Variants in ITGAV observed in about 807,000 individuals in gnomAD.
ITGAV encodes the protein integrin alpha-V.
Under a neutral mutation model 143.8 loss-of-function variants are expected in ITGAV, and 76 were observed. The ratio of observed to expected loss-of-function variants is 0.53; its 90% CI spans 0.44 to 0.64. ITGAV has a LOEUF of 0.64. Among genes scored for constraint, ITGAV ranks in the 30% least tolerant of loss-of-function variants. ITGAV has a pLI of 0.00. For synonymous variants in ITGAV, 453 were observed against 446.7 expected (o/e 1.01, Z -0.18); for missense variants, 1,193 against 1,274.7 (o/e 0.94, Z 0.98).
chr2:186,667,672 G>A lies in ITGAV; in HGVS notation c.2329G>A (p.Val777Ile). ...AGGTTTTCTTTGGTCATTGTTTAGAGTCTCGAGTCCTGATCATGTCTTTCT... is the reference window on the plus strand; with the variant it reads ...AGGTTTTCTTTGGTCATTGTTTAGAATCTCGAGTCCTGATCATGTCTTTCT... Reference protein sequence around the residue: ...AVLAAVEIRGVSSPDHVFLPI... With the variant: ...AVLAAVEIRGISSPDHVFLPI... Residue 777 changes from valine to isoleucine, a missense_variant and splice_region_variant, in exon 24 of 30, where the codon GTC becomes ATC. Physicochemically the swap from Val to Ile is conservative, Grantham distance 29. Transcript: ENST00000261023. 5 of 1,572,608 alleles carry A rather than the reference G, an allele frequency of 3.2e-6. No individual in the cohort carries two copies. Among genetic ancestry groups the A allele is most frequent in the Non-Finnish European group, 4.4e-6 (5 of 1,145,592 alleles).
chr2:186,631,978 G>C (rs905833048), intron 5 of ITGAV, among the ~76,000 whole-genome samples: 3 of 152,172 alleles, frequency 2.0e-5, no homozygotes, highest in Non-Finnish European at 2.9e-5. Context: ...ATTGAGCCAT[G>C]TTCATGCCAC....
chr2:186,658,732 G>A (rs1481535525), intron 17 of ITGAV, among the ~76,000 whole-genome samples: 1 of 151,952 alleles, frequency 6.6e-6, no homozygotes, highest in East Asian at 1.9e-4. Flanking sequence ...GGTAGCTTAA[G>A]CAGTATCAAT....
intron 12 of ITGAV, among the ~76,000 whole-genome samples, chr2:186,646,053 G>A (rs1042315008): frequency 6.6e-6 from 1 of 152,186 alleles, no homozygotes; most frequent in African/African-American, 2.4e-5. Flanking sequence ...GGTGGCAGCA[G>A]CAGAGAGAGA....
At chr2:186,638,196 C>A in intron 8 of ITGAV, 81 bp from the exon 9 acceptor site, 1 of 1,248,876 alleles carries the variant, frequency 8.0e-7, no homozygotes, top group Non-Finnish European at 1.2e-6. Flanking sequence ...AAACTTAAAG[C>A]TTGCTGACAT....
At chr2:186,651,259 G>A (rs1454954924) in intron 14 of ITGAV, among the ~76,000 whole-genome samples, 2 of 152,188 alleles carry the variant, frequency 1.3e-5, no homozygotes, top group Non-Finnish European at 2.9e-5. Flanking sequence ...ATACTTAACA[G>A]ATTTCAGATC....
chr2:186,659,890 C>T (rs1185859611), intron 18 of ITGAV, among the ~76,000 whole-genome samples: 1 of 151,404 alleles, frequency 6.6e-6, no homozygotes, highest in Admixed American at 6.6e-5. Flanking sequence ...CATATTTCAT[C>T]CTGTACATTA....
At chr2:186,603,886 A>G (rs566843296) in intron 2 of ITGAV, among the ~76,000 whole-genome samples, 25 of 147,946 alleles carry the variant, frequency 1.7e-4, no homozygotes, top group African/African-American at 5.0e-4. Context: ...TCTTTTTGAG[A>G]TAGGGTCTCG....
chr2:186,655,639 A>G lies in ITGAV; in HGVS notation c.1565-608A>G, dbSNP rs10205569. Reference sequence around the variant, plus strand: ...TTAAAGATTTGCACTCTCTTAAACTATTTAAAGAACTGAATCTTACAAGGC... The same window carrying G: ...TTAAAGATTTGCACTCTCTTAAACTGTTTAAAGAACTGAATCTTACAAGGC... On this transcript the variant is annotated intron_variant, in intron 16 of 29. Transcript: ENST00000261023. 8.9e-3 allele frequency among the ~76,000 whole-genome samples: 1,356 copies of G among 152,352 alleles called. 19 individuals are homozygous for G. The highest frequency in any genetic ancestry group is 0.031 in the African/African-American group (1,297 of 41,572).
chr2:186,649,754 T>A, intron 13 of ITGAV, 86 bp from the exon 14 acceptor site: 1 of 906,644 alleles, frequency 1.1e-6, no homozygotes, highest in South Asian at 1.7e-5. Context: ...TCAAACCTTT[T>A]TATATTCATT....
intron 15 of ITGAV, among the ~76,000 whole-genome samples, chr2:186,652,401 G>T (rs1688460748): frequency 6.6e-6 from 1 of 151,974 alleles, no homozygotes; most frequent in Admixed American, 6.5e-5. Flanking sequence ...TATTGCTCAG[G>T]TTGGTCTCGA....
At chr2:186,591,280 C>T (rs1265385931) in intron 1 of ITGAV, among the ~76,000 whole-genome samples, 1 of 152,078 alleles carries the variant, frequency 6.6e-6, no homozygotes, top group Non-Finnish European at 1.5e-5. Flanking sequence ...TTCAAGTTGC[C>T]AACGTTCCGC....
In ITGAV at chr2:186,595,688, TAA is replaced by T. The variant is rs3835762; in HGVS notation, c.185+5175_185+5176del. ...ATTTAATGGCAGTGTTTCCAGTCATTAAAAAAAAAAATGTTGAGGATGGGGAT... is the reference window on the plus strand; with the variant it reads ...ATTTAATGGCAGTGTTTCCAGTCATTAAAAAAAAATGTTGAGGATGGGGAT... On this transcript the variant is annotated intron_variant, in intron 1 of 29. Coordinates refer to ENST00000261023, the MANE Select transcript of ITGAV (RefSeq NM_002210.5). Among the ~76,000 whole-genome samples the T allele has an allele frequency of 1.9e-3, 286 of 150,044 alleles. No homozygotes were observed. In the East Asian group the frequency reaches 0.022, roughly 12 times the overall value.
Position 186,678,574 on chromosome 2 carries a change from C to G in ITGAV, c.*1282C>G, listed in dbSNP as rs919388272. ...AAACCTTTTAAACCTTTCTGAAGTT[C>G]GTTAGTATAAATTACTTTTCTAGGA... is the stretch of plus-strand genomic sequence containing the variant. On this transcript the variant is annotated 3_prime_UTR_variant, in exon 30 of 30. Transcript: ENST00000261023. 1.3e-4 allele frequency: 41 copies of G among 308,400 alleles called. No homozygotes were observed. Among genetic ancestry groups the G allele is most frequent in the African/African-American group, 8.7e-4 (39 of 44,870 alleles). The allele number at this position is 308,400 out of a possible 1,614,324, so 19.1% of individuals were successfully genotyped here.
rs937571647 is a variant in ITGAV at position 186,677,059 on chromosome 2, C to T, written c.3051+124C>T. 5.7e-6 allele frequency: 7 copies of T among 1,221,746 alleles called. No individual in the cohort carries two copies. The African/African-American group carries it at 1.1e-4, about 19-fold the overall frequency. The allele number at this position is 1,221,746 out of a possible 1,614,324, so 75.7% of individuals were successfully genotyped here. ...GACTGTAATGATGATACTTGATGAG[C>T]ATTACTTATTATATGAGGGAAGATA... is the stretch of plus-strand genomic sequence containing the variant. On this transcript the variant is annotated intron_variant, in intron 29 of 29. Coordinates refer to ENST00000261023, the MANE Select transcript of ITGAV (RefSeq NM_002210.5).
rs760557975 is a variant in ITGAV at position 186,590,515 on chromosome 2, C to T, written c.177C>T (p.Ser59=). Residue 59 remains serine, a synonymous_variant, in exon 1 of 30, where the codon AGC becomes AGT. Transcript: ENST00000261023. ...TCGCCGTGGATTTCTTCGTGCCCAGCGCGTCTTCGTAAGTGGCCGCACTTG... is the reference window on the plus strand; with the variant it reads ...TCGCCGTGGATTTCTTCGTGCCCAGTGCGTCTTCGTAAGTGGCCGCACTTG... ...FGFAVDFFVP[S]ASSRMFLLVG... is the part of the protein sequence containing the mutation. The T allele has an allele frequency of 3.1e-6, 5 of 1,610,224 alleles. No individual in the cohort carries two copies. In the East Asian group the frequency reaches 9.0e-5, roughly 29 times the overall value.
intron 2 of ITGAV, among the ~76,000 whole-genome samples, chr2:186,605,463 T>G (rs72903148): frequency 0.24 from 35,928 of 152,128 alleles, 4,290 homozygotes; most frequent in Middle Eastern, 0.33. Flanking sequence ...CTCCCTCTTC[T>G]CACCTTGTAC....
intron 2 of ITGAV, among the ~76,000 whole-genome samples, chr2:186,612,784 G>A (rs1687250871): frequency 6.6e-6 from 1 of 152,054 alleles, no homozygotes; most frequent in Non-Finnish European, 1.5e-5. Context: ...CCAGAGTTGT[G>A]TCTAGGTATC....
At chr2:186,605,413 ATTATC>A (rs1485047223) in intron 2 of ITGAV, among the ~76,000 whole-genome samples, 1 of 152,158 alleles carries the variant, frequency 6.6e-6, no homozygotes, top group African/African-American at 2.4e-5. Flanking sequence ...TTGCTCAGAT[ATTATC>A]TTCTCAGTGA....
At chr2:186,622,239 C>A in intron 2 of ITGAV, 100 bp from the exon 3 acceptor site, 1 of 758,984 alleles carries the variant, frequency 1.3e-6, no homozygotes, top group Non-Finnish European at 2.2e-6. Context: ...TTTGATTAAT[C>A]AAAGGTGTAC....
Sources: allele counts gnomAD v4.1 joint callset (sites outside exome capture counted in the v4.1 genomes callset), GRCh38; gene constraint gnomAD v4.1.1; transcripts MANE v1.5; gene names NCBI Gene and HGNC (gene_info 2026-07-23, HGNC 2026-07-21).